TRABD2B: variants seen among roughly 807,000 people sequenced by gnomAD.
TRABD2B encodes metalloprotease TIKI2.
In TRABD2B, 14 loss-of-function variants were observed where a neutral mutation model predicts 40.1. That is an observed-to-expected ratio of 0.35 (90% CI 0.23 to 0.55). The LOEUF is 0.55. Ranked by LOEUF, TRABD2B falls within the 20% of genes least tolerant of loss-of-function variation. The pLI is 0.90. For missense variants in TRABD2B, 541 were observed against 648.6 expected (o/e 0.83, Z 1.80); for synonymous variants, 263 against 277.0 (o/e 0.95, Z 0.50).
intron 2 of TRABD2B, among the ~76,000 whole-genome samples, chr1:47,841,593 G>A (rs1480703659): frequency 6.6e-6 from 1 of 152,104 alleles, no homozygotes; most frequent in Non-Finnish European, 1.5e-5. Context: ...TGGTCTAGAG[G>A]AGCCCACAGC....
intron 2 of TRABD2B, among the ~76,000 whole-genome samples, chr1:47,965,211 TGGAGGG>T (rs1557684232): frequency 3.0e-4 from 3 of 9,894 alleles, no homozygotes; most frequent in African/African-American, 1.5e-3. Context: ...CGGGGGGGGG[TGGAGGG>T]GGGGGTGGGG....
Position 47,917,128 on chromosome 1 carries a change from G to A in TRABD2B, c.666+76906C>T, listed in dbSNP as rs1217419661. 2.0e-5 allele frequency among the ~76,000 whole-genome samples: 3 copies of A among 152,344 alleles called. No homozygotes were observed. In the East Asian group the frequency reaches 5.8e-4, roughly 29 times the overall value. ...GTCATGGACCAAGTCCAGCACGCAA[G>A]GACGGGCTCCAGGACTCCCCTGGAA... On this transcript the variant is annotated intron_variant, in intron 2 of 6. Coordinates refer to ENST00000606738, the MANE Select transcript of TRABD2B (RefSeq NM_001194986.2).
intron 2 of TRABD2B, among the ~76,000 whole-genome samples, chr1:47,808,574 C>G (rs994186044): frequency 2.0e-5 from 3 of 152,170 alleles, no homozygotes; most frequent in Non-Finnish European, 1.5e-5. Context: ...GGTTAATGAG[C>G]AAGCCCCCAA....
At chr1:47,988,011 T>G (rs557215235) in intron 2 of TRABD2B, among the ~76,000 whole-genome samples, 1 of 152,086 alleles carries the variant, frequency 6.6e-6, no homozygotes, top group African/African-American at 2.4e-5. Context: ...CCTCCAGGGG[T>G]GTCTGGGGCC....
intron 2 of TRABD2B, among the ~76,000 whole-genome samples, chr1:47,964,347 A>C (rs1645566265): frequency 6.6e-6 from 1 of 152,164 alleles, no homozygotes; most frequent in African/African-American, 2.4e-5. Flanking sequence ...GTTTTAGGGG[A>C]GAGTCCACAA....
At chr1:47,891,945 T>C (rs1373400347) in intron 2 of TRABD2B, among the ~76,000 whole-genome samples, 2 of 151,722 alleles carry the variant, frequency 1.3e-5, no homozygotes, top group African/African-American at 4.8e-5. Context: ...GTAGCTGGGG[T>C]CAGATTATGC....
At chr1:47,795,491 C>T (rs1370456678) in intron 3 of TRABD2B, 2 of 190,910 alleles carry the variant, frequency 1.0e-5, no homozygotes, top group Non-Finnish European at 1.9e-5. Context: ...AGTTGAGCTG[C>T]CTGGTACAGC....
intron 2 of TRABD2B, among the ~76,000 whole-genome samples, chr1:47,925,768 A>G (rs1438751759): frequency 6.6e-6 from 1 of 152,234 alleles, no homozygotes; most frequent in Non-Finnish European, 1.5e-5. Context: ...TACAAGCATT[A>G]TTTTGTTGAA....
intron 2 of TRABD2B, among the ~76,000 whole-genome samples, chr1:47,870,716 T>C (rs1570169239): frequency 1.3e-5 from 2 of 152,072 alleles, no homozygotes; most frequent in Admixed American, 1.3e-4. Flanking sequence ...GACACAGACA[T>C]GGGAGGAGGT....
intron 2 of TRABD2B, among the ~76,000 whole-genome samples, chr1:47,877,757 T>C (rs1308120332): frequency 6.6e-6 from 1 of 152,182 alleles, no homozygotes; most frequent in Non-Finnish European, 1.5e-5. Flanking sequence ...AATAAAATAT[T>C]ATGCAGCTAC....
chr1:47,810,352 G>A (rs901657311), intron 2 of TRABD2B, among the ~76,000 whole-genome samples: 2 of 152,004 alleles, frequency 1.3e-5, no homozygotes, highest in Non-Finnish European at 2.9e-5. Flanking sequence ...CAACAAGTTC[G>A]TGCCATCACC....
intron 2 of TRABD2B, among the ~76,000 whole-genome samples, chr1:47,814,631 C>A (rs541204068): frequency 1.3e-5 from 2 of 152,286 alleles, no homozygotes; most frequent in African/African-American, 4.8e-5. Flanking sequence ...GGGCCCTCCC[C>A]ACTCCCTTCC....
chr1:47,916,154 G>T (rs1278329999), intron 2 of TRABD2B, among the ~76,000 whole-genome samples: 6 of 142,920 alleles, frequency 4.2e-5, no homozygotes, highest in African/African-American at 1.5e-4. Flanking sequence ...TAGCTGGGCG[G>T]GGGGCGGGGT....
intron 2 of TRABD2B, among the ~76,000 whole-genome samples, chr1:47,918,708 C>T (rs918649652): frequency 6.6e-6 from 1 of 152,194 alleles, no homozygotes; most frequent in African/African-American, 2.4e-5. Context: ...GAAAGGACTC[C>T]AAGCTCTTCC....
At chr1:47,846,517 G>A (rs1645471854) in intron 2 of TRABD2B, among the ~76,000 whole-genome samples, 1 of 152,194 alleles carries the variant, frequency 6.6e-6, no homozygotes, top group South Asian at 2.1e-4. Context: ...CCTCACCTGT[G>A]GAGGGGATTG....
Position 47,762,271 on chromosome 1 carries a change from C to T in TRABD2B, c.*3631G>A, listed in dbSNP as rs1561573. ...GTGGCTGGTCAGCAGGGTTGGGTCA[C>T]GAAGGGTCTAGCGGACACTTCAGGG... On this transcript the variant is annotated 3_prime_UTR_variant, in exon 7 of 7. Transcript: ENST00000606738. The T allele has an allele frequency of 0.5, 75,325 of 151,912 alleles. 18,984 individuals carry two copies. The highest frequency in any genetic ancestry group is 0.54 in the African/African-American group (22,503 of 41,418). The allele number at this position is 151,912 out of a possible 1,614,324, so 9.4% of individuals were successfully genotyped here. A position where few individuals can be genotyped will look rare whatever the true frequency, so the allele number is the denominator to read the frequency against.
At chr1:47,808,111 T>G in intron 2 of TRABD2B, among the ~76,000 whole-genome samples, 1 of 152,238 alleles carries the variant, frequency 6.6e-6, no homozygotes, top group Admixed American at 6.5e-5. Flanking sequence ...ATAACGTAGG[T>G]GGGCTTCATC....
chr1:47,768,060 G>T (rs12038078), intron 6 of TRABD2B, among the ~76,000 whole-genome samples: 19,046 of 152,214 alleles, frequency 0.13, 1,532 homozygotes, highest in Admixed American at 0.23. Flanking sequence ...ACGGCCTCTG[G>T]CACTCTGTCC....
At chr1:47,909,599 A>C (rs1644729730) in intron 2 of TRABD2B, among the ~76,000 whole-genome samples, 1 of 133,936 alleles carries the variant, frequency 7.5e-6, no homozygotes, top group African/African-American at 2.6e-5. Flanking sequence ...GAGGAGGAGG[A>C]GGAGCCAGAC....
Sources: allele counts gnomAD v4.1 joint callset (sites outside exome capture counted in the v4.1 genomes callset), GRCh38; gene constraint gnomAD v4.1.1; transcripts MANE v1.5; gene names NCBI Gene and HGNC (gene_info 2026-07-23, HGNC 2026-07-21).